Variants in DDAH1 observed in about 807,000 individuals in gnomAD.
DDAH1 encodes N(G),N(G)-dimethylarginine dimethylaminohydrolase 1.
In DDAH1, 19 loss-of-function variants were observed where a neutral mutation model predicts 28.8. That is an observed-to-expected ratio of 0.66 (90% CI 0.46 to 0.97). DDAH1 has a LOEUF of 0.97. Among genes scored for constraint, DDAH1 ranks in the 50% least tolerant of loss-of-function variants. DDAH1 has a pLI of 0.00. For synonymous variants in DDAH1, 153 were observed against 154.4 expected, an observed-to-expected ratio of 0.99 and a Z score of 0.07; for missense variants, 326 against 375.9, an observed-to-expected ratio of 0.87 and a Z score of 1.10.
chr1:85,336,142 T>C (rs78255333), intron 4 of DDAH1, among the ~76,000 whole-genome samples: 2,896 of 152,272 alleles, frequency 0.019, 73 homozygotes, highest in African/African-American at 0.056. Context: ...AACTGCACTT[T>C]AGACCAAATG....
intron 1 of DDAH1, among the ~76,000 whole-genome samples, chr1:85,426,644 A>G (rs1340099665): frequency 6.6e-6 from 1 of 152,170 alleles, no homozygotes; most frequent in African/African-American, 2.4e-5. Flanking sequence ...GTGGAGGCTC[A>G]TGCCTGTAAT....
At chr1:85,532,571 A>C (rs1280132696) in intron 1 of DDAH1, among the ~76,000 whole-genome samples, 5 of 151,884 alleles carry the variant, frequency 3.3e-5, no homozygotes, top group Admixed American at 3.3e-4. Flanking sequence ...CTTATTTCAC[A>C]ACAACTTATG....
At chr1:85,344,234 T>G (rs1478427381) in intron 4 of DDAH1, among the ~76,000 whole-genome samples, 1 of 152,226 alleles carries the variant, frequency 6.6e-6, no homozygotes, top group African/African-American at 2.4e-5. Flanking sequence ...GGTAATAATT[T>G]ATTGTGATAC....
chr1:85,456,795 T>C lies in DDAH1; in HGVS notation c.303+7948A>G, dbSNP rs1310653480. ...TGATACACCCTCATGTAACAAATTA[T>C]GGGTCAAGGGGGAAAACCCCCAGCA... On this transcript the variant is annotated intron_variant, in intron 1 of 5. Coordinates refer to ENST00000284031, the MANE Select transcript of DDAH1 (RefSeq NM_012137.4). Among the ~76,000 whole-genome samples, 3 of 152,290 alleles carry C rather than the reference T, an allele frequency of 2.0e-5. No individual in the cohort carries two copies. In the South Asian group the frequency reaches 6.2e-4, roughly 32 times the overall value.
At chr1:85,480,121 G>A (rs1009241244) in intron 2 of DDAH1, among the ~76,000 whole-genome samples, 2 of 152,128 alleles carry the variant, frequency 1.3e-5, no homozygotes, top group East Asian at 1.9e-4. Context: ...TCTGTCAGTA[G>A]GTAAAACTGT....
intron 1 of DDAH1, among the ~76,000 whole-genome samples, chr1:85,393,424 C>T (rs1389565461): frequency 6.6e-6 from 1 of 152,180 alleles, no homozygotes; most frequent in Non-Finnish European, 1.5e-5. Flanking sequence ...GAGGGCTCTA[C>T]CCTGAAGACA....
intron 4 of DDAH1, among the ~76,000 whole-genome samples, chr1:85,330,014 T>G (rs1170552033): frequency 2.0e-5 from 3 of 152,230 alleles, no homozygotes; most frequent in African/African-American, 4.8e-5. Flanking sequence ...TCTCCTTTCC[T>G]GTTGGAGTAA....
intron 2 of DDAH1, chr1:85,488,170 C>T (rs975432524): frequency 2.0e-5 from 3 of 152,094 alleles, no homozygotes; most frequent in African/African-American, 7.2e-5. Context: ...GGTGACAGAA[C>T]AAGACTCTGT....
At chr1:85,457,501 C>T (rs1472467900) in intron 1 of DDAH1, among the ~76,000 whole-genome samples, 1 of 152,126 alleles carries the variant, frequency 6.6e-6, no homozygotes. Flanking sequence ...ATCTGTATCT[C>T]CCCAGCACCA....
At chr1:85,442,082 G>C (rs1654223793) in intron 1 of DDAH1, among the ~76,000 whole-genome samples, 1 of 151,902 alleles carries the variant, frequency 6.6e-6, no homozygotes, top group African/African-American at 2.4e-5. Flanking sequence ...ACAACATGCA[G>C]GTTTGTTACA....
intron 2 of DDAH1, among the ~76,000 whole-genome samples, chr1:85,355,132 C>T (rs1180638549): frequency 6.6e-6 from 1 of 151,998 alleles, no homozygotes; most frequent in South Asian, 2.1e-4. Context: ...ACTTTATACC[C>T]AACATATTGA....
intron 1 of DDAH1, among the ~76,000 whole-genome samples, chr1:85,408,369 C>A (rs1314968949): frequency 1.3e-5 from 2 of 151,788 alleles, no homozygotes; most frequent in Non-Finnish European, 2.9e-5. Flanking sequence ...CCAGAGGTAA[C>A]CATGTTTATC....
chr1:85,457,886 T>C lies in DDAH1; in HGVS notation c.303+6857A>G, dbSNP rs539910142. 1.2e-4 allele frequency among the ~76,000 whole-genome samples: 18 copies of C among 152,278 alleles called. No individual in the cohort carries two copies. The South Asian group carries it at 3.7e-3, about 32-fold the overall frequency. ...TGTATTTTTAGTAGAGATGGGGGTT[T>C]CACCATGTTGGCCAGGCTGGTTTTG... On this transcript the variant is annotated intron_variant, in intron 1 of 5. Transcript: ENST00000284031.
chr1:85,529,471 T>C (rs1658005423), intron 1 of DDAH1, among the ~76,000 whole-genome samples: 4 of 151,628 alleles, frequency 2.6e-5, no homozygotes, highest in African/African-American at 7.3e-5. Flanking sequence ...CTAATAAGAA[T>C]GACCCTTTGA....
intron 1 of DDAH1, among the ~76,000 whole-genome samples, chr1:85,525,815 T>C (rs559518331): frequency 2.0e-5 from 3 of 152,292 alleles, no homozygotes; most frequent in South Asian, 2.1e-4. Context: ...ACACTGCTTG[T>C]ATCACCATCT....
chr1:85,383,845 C>T (rs2100913563), intron 1 of DDAH1, among the ~76,000 whole-genome samples: 1 of 152,240 alleles, frequency 6.6e-6, no homozygotes, highest in Middle Eastern at 3.4e-3. Flanking sequence ...TATTCTTTAA[C>T]TGAGATACAT....
At chr1:85,384,424 A>G (rs1651149623) in intron 1 of DDAH1, among the ~76,000 whole-genome samples, 1 of 152,184 alleles carries the variant, frequency 6.6e-6, no homozygotes, top group Admixed American at 6.5e-5. Context: ...TCTGTTCTGC[A>G]TCCCCTCCTC....
intron 4 of DDAH1, among the ~76,000 whole-genome samples, chr1:85,348,130 TA>T (rs1170971598): frequency 2.0e-5 from 3 of 152,196 alleles, no homozygotes; most frequent in African/African-American, 7.2e-5. Context: ...GGAACATCAT[TA>T]TTAACACTAA....
intron 1 of DDAH1, among the ~76,000 whole-genome samples, chr1:85,502,952 T>C (rs1656870860): frequency 6.6e-6 from 1 of 152,194 alleles, no homozygotes; most frequent in Middle Eastern, 3.2e-3. Flanking sequence ...ATTTTCTCAC[T>C]ATCCATAGCT....
Sources: allele counts gnomAD v4.1 joint callset (sites outside exome capture counted in the v4.1 genomes callset), GRCh38; gene constraint gnomAD v4.1.1; transcripts MANE v1.5; gene names NCBI Gene and HGNC (gene_info 2026-07-23, HGNC 2026-07-21).